Variants in CTNND2 observed in about 807,000 individuals in gnomAD.
The protein encoded by CTNND2 is catenin delta 2.
Under a neutral mutation model 144.4 loss-of-function variants are expected in CTNND2, and 22 were observed. That is an observed-to-expected ratio of 0.15 (90% CI 0.11 to 0.22). CTNND2 has a LOEUF of 0.22. Among genes scored for constraint, CTNND2 ranks in the 10% least tolerant of loss-of-function variants. The pLI, the probability that CTNND2 is intolerant of heterozygous loss-of-function variation, is 1.00. For missense variants in CTNND2, 1,353 were observed against 1,618.8 expected (o/e 0.84, Z 2.82); for synonymous variants, 751 against 695.6 (o/e 1.08, Z -1.25).
intron 15 of CTNND2, among the ~76,000 whole-genome samples, chr5:11,092,298 T>G (rs1750853777): frequency 6.6e-6 from 1 of 152,240 alleles, no homozygotes; most frequent in South Asian, 2.1e-4. Flanking sequence ...GAAGTGGAAA[T>G]CCCTCTGGTT....
chr5:11,204,269 A>T lies in CTNND2; in HGVS notation c.1762-4608T>A, dbSNP rs541134299. 9.2e-5 allele frequency among the ~76,000 whole-genome samples: 14 copies of T among 152,344 alleles called. No homozygotes were observed. In the East Asian group the frequency reaches 2.7e-3, roughly 29 times the overall value. ...GGGCATTCTTGAACCTGATGCAGAT[A>T]ATCTCTGGGGAATGAACACTAGAAT... On this transcript the variant is annotated intron_variant, in intron 10 of 21. Coordinates refer to ENST00000304623, the MANE Select transcript of CTNND2 (RefSeq NM_001332.4).
intron 9 of CTNND2, among the ~76,000 whole-genome samples, chr5:11,240,949 A>T (rs558904442): frequency 6.8e-6 from 1 of 147,216 alleles, no homozygotes; most frequent in East Asian, 2.1e-4. Flanking sequence ...CACACTGAGC[A>T]CACACACCCA....
At chr5:11,669,045 T>C (rs1247005397) in intron 2 of CTNND2, among the ~76,000 whole-genome samples, 1 of 152,226 alleles carries the variant, frequency 6.6e-6, no homozygotes, top group African/African-American at 2.4e-5. Context: ...TCATTAGTTC[T>C]GTTTACGTGA....
intron 1 of CTNND2, among the ~76,000 whole-genome samples, chr5:11,757,420 G>T (rs1025639668): frequency 6.6e-6 from 1 of 151,532 alleles, no homozygotes; most frequent in Non-Finnish European, 1.5e-5. Context: ...TTGAAATCAG[G>T]ATCACTTTAT....
At chr5:11,781,497 T>A (rs868576613) in intron 1 of CTNND2, among the ~76,000 whole-genome samples, 6 of 152,316 alleles carry the variant, frequency 3.9e-5, no homozygotes, top group Middle Eastern at 3.4e-3. Context: ...TTGCTTTTTA[T>A]TGCCCTTCAA....
intron 9 of CTNND2, among the ~76,000 whole-genome samples, chr5:11,295,786 A>G (rs1320875043): frequency 2.0e-5 from 3 of 152,220 alleles, no homozygotes; most frequent in Non-Finnish European, 4.4e-5. Context: ...CCATATGTAG[A>G]AAGCTGAAAC....
chr5:11,184,377 A>C (rs906544563), intron 11 of CTNND2, among the ~76,000 whole-genome samples: 4 of 152,234 alleles, frequency 2.6e-5, no homozygotes, highest in Non-Finnish European at 5.9e-5. Flanking sequence ...CAGAAAATAA[A>C]TTTGTGAACA....
At chr5:11,529,939 T>G (rs31782) in intron 3 of CTNND2, among the ~76,000 whole-genome samples, 4,042 of 151,970 alleles carry the variant, frequency 0.027, 55 homozygotes, top group African/African-American at 0.044. Flanking sequence ...AAAAAGTAAT[T>G]TATCTTGAAA....
At chr5:11,438,432 C>A (rs773308283) in intron 3 of CTNND2, among the ~76,000 whole-genome samples, 8 of 152,070 alleles carry the variant, frequency 5.3e-5, no homozygotes, top group Non-Finnish European at 1.0e-4. Flanking sequence ...TAGGGAGCTT[C>A]CAAATTCTAA....
intron 12 of CTNND2, among the ~76,000 whole-genome samples, chr5:11,159,071 T>C (rs1758511459): frequency 6.6e-6 from 1 of 152,208 alleles, no homozygotes; most frequent in South Asian, 2.1e-4. Context: ...AACCATTTAA[T>C]ACAACAGGCC....
rs375720426 is a variant in CTNND2, at chr5:11,196,488, A to C, written c.1975+2960T>G. On this transcript the variant is annotated intron_variant, in intron 11 of 21. Transcript: ENST00000304623. ...ATTTTTCTTTGCTGAGCTCTGTATT[A>C]GATCCACGGGAGAATTGCAAAGGAA... Among the ~76,000 whole-genome samples the C allele has an allele frequency of 2.6e-5, 4 of 152,330 alleles. No individual in the cohort carries two copies. The East Asian group carries it at 5.8e-4, about 22-fold the overall frequency.
chr5:11,843,128 G>A lies in CTNND2; in HGVS notation c.37+60689C>T, dbSNP rs116055467. On this transcript the variant is annotated intron_variant, in intron 1 of 21. Coordinates refer to ENST00000304623, the MANE Select transcript of CTNND2 (RefSeq NM_001332.4). ...ACTCTGACAGATCCATCATTGAATA[G>A]GACACTTATGAAAAAGTTGCACTTC... 4.3e-3 allele frequency among the ~76,000 whole-genome samples: 656 copies of A among 152,194 alleles called. 9 individuals are homozygous for A. Among genetic ancestry groups the A allele is most frequent in the African/African-American group, 0.014 (590 of 41,538 alleles).
At chr5:11,574,916 A>G (rs1339988426) in intron 2 of CTNND2, among the ~76,000 whole-genome samples, 3 of 152,224 alleles carry the variant, frequency 2.0e-5, no homozygotes, top group Non-Finnish European at 2.9e-5. Flanking sequence ...TTCAATCTGC[A>G]TTTATTCACT....
Position 11,201,274 on chromosome 5 carries a change from T to G in CTNND2, c.1762-1613A>C, listed in dbSNP as rs548193466. Among the ~76,000 whole-genome samples the G allele has an allele frequency of 7.2e-5, 11 of 152,302 alleles. No homozygotes were observed. In the East Asian group the frequency reaches 2.1e-3, roughly 29 times the overall value. ...CACCTCATAAATGTTCAGGAAATAT[T>G]TGTCAAATGAATGGAGAGGGTTAAT... On this transcript the variant is annotated intron_variant, in intron 10 of 21. Coordinates refer to ENST00000304623, the MANE Select transcript of CTNND2 (RefSeq NM_001332.4).
rs551816919 is a variant in CTNND2 at position 11,386,939 on chromosome 5, G to A, written c.613-1710C>T. Among the ~76,000 whole-genome samples, 5 of 152,190 alleles carry A rather than the reference G, an allele frequency of 3.3e-5. No individual in the cohort carries two copies. In the South Asian group the frequency reaches 1.0e-3, roughly 32 times the overall value. On this transcript the variant is annotated intron_variant, in intron 6 of 21. Coordinates refer to ENST00000304623, the MANE Select transcript of CTNND2 (RefSeq NM_001332.4). ...TCTAGCTTCATCCAGAGTCATTGAG[G>A]GGGTGGCTTTGATGCAATTTTGCTT...
intron 1 of CTNND2, among the ~76,000 whole-genome samples, chr5:11,889,888 C>A (rs1736830426): frequency 6.6e-6 from 1 of 152,086 alleles, no homozygotes; most frequent in African/African-American, 2.4e-5. Flanking sequence ...GGTCTTATGC[C>A]AAAATTAGCA....
At chr5:11,871,718 A>AGTATTTTC (rs1323585655) in intron 1 of CTNND2, among the ~76,000 whole-genome samples, 1 of 152,204 alleles carries the variant, frequency 6.6e-6, no homozygotes, top group African/African-American at 2.4e-5. Context: ...TTCATATTTT[A>AGTATTTTC]GTATTTTCAA....
chr5:11,287,791 A>T (rs549279287), intron 9 of CTNND2, among the ~76,000 whole-genome samples: 3 of 152,186 alleles, frequency 2.0e-5, no homozygotes, highest in African/African-American at 7.2e-5. Flanking sequence ...TTCTAGCATA[A>T]GAAGATAAGT....
chr5:11,377,652 T>A (rs1280265407), intron 7 of CTNND2, among the ~76,000 whole-genome samples: 1 of 152,086 alleles, frequency 6.6e-6, no homozygotes, highest in African/African-American at 2.4e-5. Flanking sequence ...AAGGATGCTA[T>A]GAGGTAGGAA....
Sources: gnomAD v4.1 joint callset for allele counts (sites outside exome capture counted in the v4.1 genomes callset) on GRCh38, gnomAD v4.1.1 for gene constraint, MANE v1.5 for transcripts, NCBI Gene and HGNC (gene_info 2026-07-23, HGNC 2026-07-21) for gene names.